The following SLC31A1 variants were observed in gnomAD, a reference collection of about 807,000 sequenced individuals.
SLC31A1 encodes high affinity copper uptake protein 1.
SLC31A1 carries 5 observed loss-of-function variants against 17.2 expected under a neutral mutation model. That is an observed-to-expected ratio of 0.29 (90% CI 0.15 to 0.61). The LOEUF is 0.61. Ranked by LOEUF, SLC31A1 falls within the 20% of genes least tolerant of loss-of-function variation. The pLI, the probability that SLC31A1 is intolerant of heterozygous loss-of-function variation, is 0.86. For synonymous variants in SLC31A1, 76 were observed against 78.8 expected (o/e 0.96, Z 0.19); for missense variants, 161 against 241.4 (o/e 0.67, Z 2.21).
In SLC31A1 at chr9:113,260,502, ATT is replaced by A. The variant is rs752491095; in HGVS notation, c.*30_*31del. ...CAAACTCTATGGCGTGGCCTTATCG[ATT>A]GCAGTGGGAAGTTGTTGAAGACTTG... On this transcript the variant is annotated 3_prime_UTR_variant, in exon 5 of 5. Transcript: ENST00000374212. The A allele has an allele frequency of 6.3e-7, 1 of 1,592,396 alleles. No homozygotes were observed. The highest frequency in any genetic ancestry group is 1.1e-5 in the South Asian group (1 of 90,728).
intron 1 of SLC31A1, among the ~76,000 whole-genome samples, chr9:113,230,771 C>G (rs1465207797): frequency 1.3e-5 from 2 of 152,162 alleles, no homozygotes; most frequent in African/African-American, 2.4e-5. Flanking sequence ...ACTATAGTCA[C>G]TAGTCTTTTG....
rs372492374 is a variant in SLC31A1, at chr9:113,258,053, G to A, written c.203-641G>A. Reference sequence around the variant, plus strand: ...CCACATCCTTCCTGATTCTTGGCACGGCCCATCTTAGACACTCCTAGTTTT... The same window carrying A: ...CCACATCCTTCCTGATTCTTGGCACAGCCCATCTTAGACACTCCTAGTTTT... On this transcript the variant is annotated intron_variant, in intron 3 of 4. Coordinates refer to ENST00000374212, the MANE Select transcript of SLC31A1 (RefSeq NM_001859.4). This position sits in a 1 kb window ranked among gnomAD's most constrained non-coding sequence, Gnocchi z 4.8. 3.9e-5 allele frequency among the ~76,000 whole-genome samples: 6 copies of A among 152,134 alleles called. No individual in the cohort carries two copies. The South Asian group carries it at 6.2e-4, about 16-fold the overall frequency.
At chr9:113,257,745 C>T (rs1446989302) in intron 3 of SLC31A1, among the ~76,000 whole-genome samples, 3 of 152,160 alleles carry the variant, frequency 2.0e-5, no homozygotes, top group South Asian at 2.1e-4. Context: ...ACCTCAGCCT[C>T]CCAAAGTGCT....
intron 1 of SLC31A1, among the ~76,000 whole-genome samples, chr9:113,254,777 T>G (rs1831702132): frequency 6.6e-6 from 1 of 152,042 alleles, no homozygotes; most frequent in African/African-American, 2.4e-5. Flanking sequence ...CATGCACCTG[T>G]AATCCCAGCT....
At chr9:113,243,134 G>A (rs928664652) in intron 1 of SLC31A1, among the ~76,000 whole-genome samples, 1 of 151,352 alleles carries the variant, frequency 6.6e-6, no homozygotes, top group African/African-American at 2.4e-5. Flanking sequence ...ATGTAATTCA[G>A]TATTCTTACA....
At chr9:113,224,839 A>G (rs1490545431) in intron 1 of SLC31A1, among the ~76,000 whole-genome samples, 1 of 152,212 alleles carries the variant, frequency 6.6e-6, no homozygotes, top group East Asian at 1.9e-4. Context: ...TCTGGAGCCA[A>G]ATTGCTTTGC....
At chr9:113,255,236 T>A (rs1831707064) in intron 1 of SLC31A1, among the ~76,000 whole-genome samples, 1 of 152,224 alleles carries the variant, frequency 6.6e-6, no homozygotes, top group South Asian at 2.1e-4. Flanking sequence ...TTAGGTGAAT[T>A]ATCTGAAGTC....
At chr9:113,259,017 T>C (rs763420580) in intron 4 of SLC31A1, among the ~76,000 whole-genome samples, 155 bp downstream of exon 4, 5 of 152,218 alleles carry the variant, frequency 3.3e-5, no homozygotes, top group Admixed American at 6.5e-5. Context: ...TTGTAGGTCA[T>C]GAGCAGGCCA....
At chr9:113,242,415 T>G (rs1204846268) in intron 1 of SLC31A1, among the ~76,000 whole-genome samples, 1 of 152,178 alleles carries the variant, frequency 6.6e-6, no homozygotes, top group Admixed American at 6.5e-5. Flanking sequence ...TGTTTTGTTT[T>G]GTTTTGAGAC....
At chr9:113,233,806 T>A (rs1340928337) in intron 1 of SLC31A1, among the ~76,000 whole-genome samples, 1 of 152,238 alleles carries the variant, frequency 6.6e-6, no homozygotes, top group Non-Finnish European at 1.5e-5. Flanking sequence ...TGATACATAA[T>A]AATTGCACAT....
In SLC31A1 at chr9:113,260,580, T is replaced by G; in HGVS notation, c.*107T>G. The G allele has an allele frequency of 1.7e-5, 11 of 630,672 alleles. No individual in the cohort carries two copies. The highest frequency in any genetic ancestry group is 2.9e-5 in the Non-Finnish European group (10 of 348,472). The allele number at this position is 630,672 out of a possible 1,614,324, so 39.1% of individuals were successfully genotyped here. ...CCCTTCTTGCTCCTCTTTGTGCACG[T>G]ACACACACACACACACACACACACA... On this transcript the variant is annotated 3_prime_UTR_variant, in exon 5 of 5. Coordinates refer to ENST00000374212, the MANE Select transcript of SLC31A1 (RefSeq NM_001859.4).
At chr9:113,253,162 A>C (rs1055671575) in intron 1 of SLC31A1, among the ~76,000 whole-genome samples, 2 of 151,954 alleles carry the variant, frequency 1.3e-5, no homozygotes, top group African/African-American at 4.8e-5. Context: ...CACCCATGTT[A>C]GCCAGGATGG....
intron 1 of SLC31A1, among the ~76,000 whole-genome samples, chr9:113,247,927 C>T (rs1831601430): frequency 6.6e-6 from 1 of 152,156 alleles, no homozygotes; most frequent in Non-Finnish European, 1.5e-5. Flanking sequence ...AAAGAAACTC[C>T]TTTTATTAAC....
rs933114750 is a variant in SLC31A1 at position 113,258,040 on chromosome 9, T to G, written c.203-654T>G. ...ACCAAACTATGGCCCACATCCTTCC[T>G]GATTCTTGGCACGGCCCATCTTAGA... On this transcript the variant is annotated intron_variant, in intron 3 of 4. Transcript: ENST00000374212. The surrounding 1 kb of genome is among the most constrained non-coding windows in gnomAD (Gnocchi z 4.8). Among the ~76,000 whole-genome samples the G allele has an allele frequency of 6.6e-6, 1 of 152,206 alleles. No homozygotes were observed. Among genetic ancestry groups the G allele is most frequent in the Admixed American group, 6.5e-5 (1 of 15,278 alleles).
At chr9:113,240,103 C>G (rs1831506124) in intron 1 of SLC31A1, among the ~76,000 whole-genome samples, 1 of 152,216 alleles carries the variant, frequency 6.6e-6, no homozygotes, top group South Asian at 2.1e-4. Flanking sequence ...TCCCACCTGT[C>G]CTCCATCTAA....
At chr9:113,246,711 G>C (rs1272547203) in intron 1 of SLC31A1, among the ~76,000 whole-genome samples, 1 of 150,772 alleles carries the variant, frequency 6.6e-6, no homozygotes, top group Admixed American at 6.6e-5. Context: ...TATATCCCAG[G>C]CTGGAGTGCA....
chr9:113,223,336 AAAAAAAG>A, intron 1 of SLC31A1: 1 of 391,676 alleles, frequency 2.6e-6, no homozygotes, highest in African/African-American at 2.1e-5. Context: ...CTAAAAAAAA[AAAAAAAG>A]AAAGCCACTG....
At position 113,261,863 on chromosome 9, in the gene SLC31A1, T is replaced by G. The variant is rs1831796556; in HGVS notation, c.*1390T>G. The G allele has an allele frequency of 6.5e-6, 1 of 152,672 alleles. No homozygotes were observed. The highest frequency in any genetic ancestry group is 2.4e-5 in the African/African-American group (1 of 41,460). 9.5% of individuals were successfully genotyped at this position (152,672 alleles called of 1,614,324 possible). A position where few individuals can be genotyped will look rare whatever the true frequency, so the allele number is the denominator to read the frequency against. On this transcript the variant is annotated 3_prime_UTR_variant, in exon 5 of 5. Coordinates refer to ENST00000374212, the MANE Select transcript of SLC31A1 (RefSeq NM_001859.4). ...TGGGCATGGAAATTTGAATTGCTGA[T>G]TGGTAGATGGTGTGTCTGGACTTAA... is the stretch of plus-strand genomic sequence containing the variant.
chr9:113,243,705 G>C (rs1302398900), intron 1 of SLC31A1, among the ~76,000 whole-genome samples: 1 of 152,096 alleles, frequency 6.6e-6, no homozygotes, highest in South Asian at 2.1e-4. Context: ...GCTTTTTCCT[G>C]TCTTGTTCTG....
Sources: allele counts gnomAD v4.1 joint callset (sites outside exome capture counted in the v4.1 genomes callset), GRCh38; gene constraint gnomAD v4.1.1; non-coding constraint Gnocchi (gnomAD v3.1); transcripts MANE v1.5; gene names NCBI Gene and HGNC (gene_info 2026-07-23, HGNC 2026-07-21).